Variants in PAMR1 observed in about 807,000 individuals in gnomAD.
PAMR1 encodes the protein inactive serine protease PAMR1.
In PAMR1, 88 loss-of-function variants were observed where a neutral mutation model predicts 81.8. That is an observed-to-expected ratio of 1.08 (90% confidence interval 0.91 to 1.28). The LOEUF is 1.28. Ranked by LOEUF, PAMR1 falls within the 50% of genes most tolerant of loss-of-function variation. The pLI is 0.00. For missense variants in PAMR1, 935 were observed against 919.7 expected (o/e 1.02, Z -0.21); for synonymous variants, 336 against 345.3 (o/e 0.97, Z 0.30).
At chr11:35,478,390 G>A (rs974333469) in intron 3 of PAMR1, among the ~76,000 whole-genome samples, 3 of 152,186 alleles carry the variant, frequency 2.0e-5, no homozygotes, top group Non-Finnish European at 4.4e-5. Flanking sequence ...CTAAACACAT[G>A]CAACATCTCC....
At chr11:35,450,891 G>A (rs989512611) in intron 6 of PAMR1, among the ~76,000 whole-genome samples, 5 of 152,204 alleles carry the variant, frequency 3.3e-5, no homozygotes, top group Non-Finnish European at 7.3e-5. Context: ...TAGCAGGCAT[G>A]TGAATCTGCA....
At chr11:35,488,197 C>CTTTT (rs35884320) in intron 3 of PAMR1, among the ~76,000 whole-genome samples, 42 of 88,016 alleles carry the variant, frequency 4.8e-4, no homozygotes, top group African/African-American at 9.4e-4. Flanking sequence ...CCTTTCCCAT[C>CTTTT]TTTTTTTTTT....
chr11:35,467,022 T>C (rs1327650995), intron 6 of PAMR1, among the ~76,000 whole-genome samples: 1 of 152,098 alleles, frequency 6.6e-6, no homozygotes, highest in Non-Finnish European at 1.5e-5. Context: ...CCCACATGCA[T>C]AGAAAGCCAT....
intron 1 of PAMR1, among the ~76,000 whole-genome samples, chr11:35,502,726 T>G (rs1017636661): frequency 6.6e-6 from 1 of 152,234 alleles, no homozygotes; most frequent in African/African-American, 2.4e-5. Context: ...ACATTGTATC[T>G]TCTGCTTATT....
At chr11:35,446,959 G>A (rs532670770) in intron 6 of PAMR1, among the ~76,000 whole-genome samples, 71 of 152,208 alleles carry the variant, frequency 4.7e-4, no homozygotes, top group African/African-American at 1.7e-3. Context: ...TTTTTGTATG[G>A]GAGTGTAAGT....
At chr11:35,448,668 G>A (rs1856346507) in intron 6 of PAMR1, among the ~76,000 whole-genome samples, 1 of 152,214 alleles carries the variant, frequency 6.6e-6, no homozygotes, top group South Asian at 2.1e-4. Flanking sequence ...CCTCAGCCCA[G>A]TTCTGTGCCA....
chr11:35,517,133 T>C (rs992911376), intron 1 of PAMR1, among the ~76,000 whole-genome samples: 3 of 152,130 alleles, frequency 2.0e-5, no homozygotes, highest in African/African-American at 7.2e-5. Flanking sequence ...TCAGGCGTGC[T>C]AACAAATGAG....
At chr11:35,475,245 T>A (rs1850264732) in intron 3 of PAMR1, among the ~76,000 whole-genome samples, 1 of 152,214 alleles carries the variant, frequency 6.6e-6, no homozygotes, top group South Asian at 2.1e-4. Flanking sequence ...TATGAGTAGT[T>A]ATGTAATAAA....
chr11:35,459,841 T>C (rs965402775), intron 6 of PAMR1, among the ~76,000 whole-genome samples: 2 of 152,132 alleles, frequency 1.3e-5, no homozygotes, highest in South Asian at 2.1e-4. Flanking sequence ...GAGGGGAAAA[T>C]ATATACTGGA....
At chr11:35,490,630 GA>G (rs1850604828) in intron 3 of PAMR1, among the ~76,000 whole-genome samples, 1 of 152,130 alleles carries the variant, frequency 6.6e-6, no homozygotes, top group East Asian at 1.9e-4. Flanking sequence ...CGGAAGAAAG[GA>G]AAATAAATGA....
At chr11:35,445,004 C>G (rs1856260040) in intron 6 of PAMR1, among the ~76,000 whole-genome samples, 1 of 152,178 alleles carries the variant, frequency 6.6e-6, no homozygotes, top group African/African-American at 2.4e-5. Context: ...TTTGTGTCCT[C>G]TCTGATTTCC....
In PAMR1 at chr11:35,436,119, G is replaced by A; in HGVS notation, c.1117C>T (p.Gln373Ter). 6.2e-7 allele frequency: 1 copy of A among 1,612,978 alleles called. No homozygotes were observed. The highest frequency in any genetic ancestry group is 8.5e-7 in the Non-Finnish European group (1 of 1,179,042). The change falls in exon 9 of 11, where the codon CAG (glutamine) becomes TAG (stop). Residue 373 changes from glutamine (Q) to a stop codon, truncating the protein, a stop_gained. Transcript: ENST00000619888. LOFTEE classifies it high-confidence loss of function. The part of the protein sequence containing the change: ...QVQSRETPLH[Q>*]LYSAAFSKQK... ...TTGCTGAAGGCCGCTGAGTATAGCT[G>A]GTGTAATGGTGTCTCCCTGGGTCAG...
intron 6 of PAMR1, among the ~76,000 whole-genome samples, chr11:35,465,571 C>T (rs1364737567): frequency 3.3e-5 from 5 of 152,126 alleles, no homozygotes; most frequent in Admixed American, 1.3e-4. Context: ...TGTGACGTGT[C>T]CCCCAGTGAG....
rs180708234 is a variant in PAMR1 at position 35,499,567 on chromosome 11, T to G, written c.74-5295A>C. Among the ~76,000 whole-genome samples the G allele has an allele frequency of 4.1e-4, 62 of 152,320 alleles. No homozygotes were observed. In the East Asian group the frequency reaches 0.012, roughly 29 times the overall value. Reference sequence around the variant, plus strand: ...CCCCTAAGCAGCAGATTCGTTCACCTCCGGCCTGTCACATGCCAGGGGTCT... The same window carrying G: ...CCCCTAAGCAGCAGATTCGTTCACCGCCGGCCTGTCACATGCCAGGGGTCT... On this transcript the variant is annotated intron_variant, in intron 1 of 10. Coordinates refer to ENST00000619888, the MANE Select transcript of PAMR1 (RefSeq NM_001001991.3).
chr11:35,446,910 G>T (rs187898529), intron 6 of PAMR1, among the ~76,000 whole-genome samples: 11 of 152,068 alleles, frequency 7.2e-5, no homozygotes, highest in African/African-American at 2.7e-4. Context: ...CTGTCTTGAT[G>T]ATCTAATATT....
chr11:35,434,715 C>A lies in PAMR1; in HGVS notation c.1423G>T (p.Val475Leu). 1 of 1,614,170 alleles carries A rather than the reference C, an allele frequency of 6.2e-7. No individual in the cohort carries two copies. Among genetic ancestry groups the A allele is most frequent in the South Asian group, 1.1e-5 (1 of 91,084 alleles). Residue 475 changes from valine to leucine, a missense_variant, in exon 10 of 11, where the codon GTG becomes TTG. Transcript: ENST00000619888. ...CCCTTGTGTAGGCTGCCGTCATGCACCCCGCTGGTCCTCCTGTAGATGGCT... is the reference window on the plus strand; with the variant it reads ...CCCTTGTGTAGGCTGCCGTCATGCAACCCGCTGGTCCTCCTGTAGATGGCT... ...QAAIYRRTSG[V>L]HDGSLHKGAW... is the part of the protein sequence containing the mutation.
chr11:35,451,821 G>A, intron 6 of PAMR1: 2 of 639,560 alleles, frequency 3.1e-6, no homozygotes, highest in Non-Finnish European at 5.7e-6. Flanking sequence ...AACCCAGAGA[G>A]CTCTCCCACC....
intron 3 of PAMR1, among the ~76,000 whole-genome samples, chr11:35,480,885 T>A (rs1247427536): frequency 1.3e-5 from 2 of 152,126 alleles, no homozygotes; most frequent in Non-Finnish European, 1.5e-5. Context: ...CTCTGGTGTG[T>A]GTTGTTTCCC....
intron 3 of PAMR1, among the ~76,000 whole-genome samples, chr11:35,484,019 A>G (rs1433502551): frequency 6.6e-6 from 1 of 152,114 alleles, no homozygotes; most frequent in East Asian, 1.9e-4. Flanking sequence ...TTCCCCTGCC[A>G]CCCAAAACAA....
Sources: gnomAD v4.1 joint callset for allele counts (sites outside exome capture counted in the v4.1 genomes callset) on GRCh38, gnomAD v4.1.1 for gene constraint, MANE v1.5 for transcripts, NCBI Gene and HGNC (gene_info 2026-07-23, HGNC 2026-07-21) for gene names.